The following SLC35F4 variants were observed in gnomAD, a reference collection of about 807,000 sequenced individuals.
SLC35F4 encodes chromosome 14 open reading frame 36.
Under a neutral mutation model 44.2 loss-of-function variants are expected in SLC35F4, and 24 were observed. The ratio of observed to expected loss-of-function variants is 0.54; its 90% CI spans 0.39 to 0.76. SLC35F4 has a LOEUF of 0.76. Among genes scored for constraint, SLC35F4 ranks in the 30% least tolerant of loss-of-function variants. The pLI is 0.00. For synonymous variants in SLC35F4, 238 were observed against 223.6 expected (o/e 1.06, Z -0.57); for missense variants, 562 against 586.1 (o/e 0.96, Z 0.42).
chr14:57,744,185 C>T (rs912582818), intron 1 of SLC35F4, among the ~76,000 whole-genome samples: 1 of 152,186 alleles, frequency 6.6e-6, no homozygotes, highest in Non-Finnish European at 1.5e-5. Flanking sequence ...GATGCCCTCT[C>T]TCACACTCCT....
Position 57,645,229 on chromosome 14 carries a change from A to T in SLC35F4, c.104-51105T>A, listed in dbSNP as rs371803640. 1.8e-4 allele frequency among the ~76,000 whole-genome samples: 28 copies of T among 152,132 alleles called. No homozygotes were observed. In the East Asian group the frequency reaches 5.2e-3, roughly 28 times the overall value. Reference sequence around the variant, plus strand: ...CCTTGGGCAGTATGGCCATTTTCACAATATTGATTCTTCCTACCCATGAGC... The same window carrying T: ...CCTTGGGCAGTATGGCCATTTTCACTATATTGATTCTTCCTACCCATGAGC... On this transcript the variant is annotated intron_variant, in intron 1 of 7. Coordinates refer to ENST00000556826, the MANE Select transcript of SLC35F4 (RefSeq NM_001306087.2).
chr14:57,895,992 T>A (rs539990455), intron 1 of SLC35F4, among the ~76,000 whole-genome samples: 8 of 152,222 alleles, frequency 5.3e-5, no homozygotes, highest in African/African-American at 1.9e-4. Flanking sequence ...GGAGCCATGC[T>A]TTAGATGCAC....
intron 1 of SLC35F4, among the ~76,000 whole-genome samples, chr14:57,624,541 T>G (rs1316389275): frequency 6.6e-6 from 1 of 152,144 alleles, no homozygotes; most frequent in Non-Finnish European, 1.5e-5. Context: ...TGAACATTGA[T>G]GTGAAAATCC....
chr14:57,981,215 G>A (rs1387816979), intron 1 of SLC35F4, among the ~76,000 whole-genome samples: 1 of 152,174 alleles, frequency 6.6e-6, no homozygotes, highest in African/African-American at 2.4e-5. Context: ...CTCTGAACAT[G>A]TGTAACCAGA....
At chr14:57,944,038 C>T (rs1050967567) in intron 1 of SLC35F4, among the ~76,000 whole-genome samples, 26 of 152,016 alleles carry the variant, frequency 1.7e-4, no homozygotes, top group Non-Finnish European at 3.4e-4. Context: ...ACAACTCAAC[C>T]CCCTCCCCAA....
intron 1 of SLC35F4, among the ~76,000 whole-genome samples, chr14:57,739,172 T>C (rs1452868848): frequency 2.6e-5 from 4 of 151,830 alleles, no homozygotes; most frequent in Non-Finnish European, 5.9e-5. Flanking sequence ...GGACAGAGAG[T>C]CCTGAGGGTA....
At chr14:57,909,683 G>C (rs1293634823) in intron 1 of SLC35F4, among the ~76,000 whole-genome samples, 2 of 151,906 alleles carry the variant, frequency 1.3e-5, no homozygotes, top group Non-Finnish European at 2.9e-5. Flanking sequence ...ATATTCCACT[G>C]TCTGAATGTA....
intron 1 of SLC35F4, among the ~76,000 whole-genome samples, chr14:57,940,636 C>T (rs1314764349): frequency 1.3e-5 from 2 of 152,184 alleles, no homozygotes; most frequent in African/African-American, 4.8e-5. Flanking sequence ...GATAAGGCGG[C>T]AGCCTAATTT....
At chr14:57,814,645 A>G (rs7492499) in intron 1 of SLC35F4, among the ~76,000 whole-genome samples, 25,097 of 152,194 alleles carry the variant, frequency 0.16, 2,414 homozygotes, top group Admixed American at 0.28. Context: ...GCCATGACCC[A>G]AGAAAGAAAA....
chr14:57,804,979 T>G (rs1457371805), intron 1 of SLC35F4, among the ~76,000 whole-genome samples: 1 of 152,086 alleles, frequency 6.6e-6, no homozygotes, highest in African/African-American at 2.4e-5. Flanking sequence ...CAGACACTTC[T>G]CAAAAGAAGA....
chr14:57,573,107 G>A (rs578165429), intron 4 of SLC35F4, among the ~76,000 whole-genome samples: 14 of 152,132 alleles, frequency 9.2e-5, no homozygotes, highest in African/African-American at 2.2e-4. Flanking sequence ...TGTGATTTTC[G>A]GGGGCCCTTT....
At chr14:57,567,012 T>C (rs1294428377) in intron 6 of SLC35F4, among the ~76,000 whole-genome samples, 3 of 152,268 alleles carry the variant, frequency 2.0e-5, no homozygotes, top group South Asian at 2.1e-4. Context: ...TGATAGCCTA[T>C]GCTGTTTTAT....
At chr14:57,695,274 G>A (rs2075349417) in intron 1 of SLC35F4, among the ~76,000 whole-genome samples, 1 of 151,914 alleles carries the variant, frequency 6.6e-6, no homozygotes, top group Admixed American at 6.6e-5. Context: ...CTACTCATCT[G>A]ACAAACGGCT....
intron 1 of SLC35F4, among the ~76,000 whole-genome samples, chr14:57,713,172 A>G (rs1327614065): frequency 2.6e-5 from 4 of 152,156 alleles, no homozygotes; most frequent in African/African-American, 7.2e-5. Flanking sequence ...AAGTCTTATT[A>G]TCTGTCACCT....
chr14:57,680,673 T>G lies in SLC35F4; in HGVS notation c.104-86549A>C, dbSNP rs1189922974. Among the ~76,000 whole-genome samples the G allele has an allele frequency of 2.6e-5, 4 of 152,274 alleles. No homozygotes were observed. The East Asian group carries it at 7.7e-4, about 29-fold the overall frequency. ...GCTGATAAGCAACTTCAGCAAATTCTCAGGATACAAAATCCATGTGCAAAA... is the reference window on the plus strand; with the variant it reads ...GCTGATAAGCAACTTCAGCAAATTCGCAGGATACAAAATCCATGTGCAAAA... On this transcript the variant is annotated intron_variant, in intron 1 of 7. Coordinates refer to ENST00000556826, the MANE Select transcript of SLC35F4 (RefSeq NM_001306087.2).
At chr14:57,921,057 C>A (rs1478765184) in intron 1 of SLC35F4, among the ~76,000 whole-genome samples, 2 of 152,228 alleles carry the variant, frequency 1.3e-5, no homozygotes, top group South Asian at 2.1e-4. Context: ...ATCTTCAGAG[C>A]AAACTTTGTA....
chr14:57,823,786 G>A (rs1380200757), intron 1 of SLC35F4, among the ~76,000 whole-genome samples: 5 of 151,950 alleles, frequency 3.3e-5, no homozygotes, highest in Admixed American at 3.3e-4. Flanking sequence ...AATCAGTTTG[G>A]TTTTGTAATC....
intron 1 of SLC35F4, among the ~76,000 whole-genome samples, chr14:57,672,407 C>A (rs2074548966): frequency 6.6e-6 from 1 of 152,092 alleles, no homozygotes; most frequent in Non-Finnish European, 1.5e-5. Context: ...GAACAGTGAT[C>A]TCAATTATCT....
intron 1 of SLC35F4, among the ~76,000 whole-genome samples, chr14:57,813,025 T>C (rs191892488): frequency 1.6e-4 from 25 of 152,314 alleles, no homozygotes; most frequent in Non-Finnish European, 1.6e-4. Flanking sequence ...CTCAGAGCAA[T>C]AGTATGATAT....
Sources: allele counts gnomAD v4.1 joint callset (sites outside exome capture counted in the v4.1 genomes callset), GRCh38; gene constraint gnomAD v4.1.1; transcripts MANE v1.5; gene names NCBI Gene and HGNC (gene_info 2026-07-23, HGNC 2026-07-21).